MRPL48: variants seen among roughly 807,000 people sequenced by gnomAD.
MRPL48 encodes the protein mitochondrial ribosomal protein L48, also known as large ribosomal subunit protein mL48.
MRPL48 carries 16 observed loss-of-function variants against 32.9 expected under a neutral mutation model. That is an observed-to-expected ratio of 0.49 (90% confidence interval 0.33 to 0.74). MRPL48 has a LOEUF of 0.74. MRPL48 is among the 30% of genes least tolerant of loss of function. MRPL48 has a pLI of 0.02. For synonymous variants in MRPL48, 94 were observed against 89.2 expected (o/e 1.05, Z -0.31); for missense variants, 206 against 245.3 (o/e 0.84, Z 1.07).
intron 4 of MRPL48, 74 bp from the exon 5 acceptor site, chr11:73,844,733 A>T: frequency 6.9e-7 from 1 of 1,456,374 alleles, no homozygotes; most frequent in Non-Finnish European, 9.2e-7. Context: ...TTGACTTTTT[A>T]AAATATCAAG....
intron 5 of MRPL48, among the ~76,000 whole-genome samples, chr11:73,857,194 G>A (rs925115207): frequency 1.3e-5 from 2 of 151,756 alleles, no homozygotes; most frequent in African/African-American, 2.4e-5. Context: ...GAGGTAGCAT[G>A]ATCTTGGCTC....
In MRPL48 at chr11:73,864,449, C is replaced by A; in HGVS notation, c.*79C>A. On this transcript the variant is annotated 3_prime_UTR_variant, in exon 8 of 8. Coordinates refer to ENST00000310614, the MANE Select transcript of MRPL48 (RefSeq NM_016055.6). The stretch of plus-strand genomic sequence containing the variant: ...AGCTTACTGGGTAGTTAGAGTTCAT[C>A]AGGAGACCCAACCCTTAGATTTCAT... 7.2e-7 allele frequency: 1 copy of A among 1,392,528 alleles called. No homozygotes were observed. Among genetic ancestry groups the A allele is most frequent in the East Asian group, 2.4e-5 (1 of 42,432 alleles). 86.3% of individuals were successfully genotyped at this position (1,392,528 alleles called of 1,614,324 possible).
At chr11:73,847,566 G>A (rs769678980) in intron 5 of MRPL48, among the ~76,000 whole-genome samples, 3 of 151,798 alleles carry the variant, frequency 2.0e-5, no homozygotes, top group African/African-American at 7.3e-5. Context: ...TCAGCCTCCC[G>A]AGTAGCTGGG....
intron 3 of MRPL48, among the ~76,000 whole-genome samples, chr11:73,815,282 G>A (rs764588790): frequency 1.2e-4 from 18 of 151,926 alleles, no homozygotes; most frequent in Non-Finnish European, 2.2e-4. Flanking sequence ...CGGGCGTGGT[G>A]GTGCTCCTGT....
At chr11:73,797,315 C>G (rs1947273965) in intron 1 of MRPL48, among the ~76,000 whole-genome samples, 1 of 152,332 alleles carries the variant, frequency 6.6e-6, no homozygotes, top group Non-Finnish European at 1.5e-5. Context: ...GGTTGCAGGA[C>G]AAGAACTTGG....
chr11:73,810,607 C>T (rs1590946961), intron 3 of MRPL48, among the ~76,000 whole-genome samples: 3 of 149,426 alleles, frequency 2.0e-5, no homozygotes, highest in South Asian at 2.1e-4. Context: ...ATGTGCAGAA[C>T]GTGCAGTTTT....
chr11:73,790,374 CTTTTTTTTTTTT>C (rs759628609), intron 1 of MRPL48, among the ~76,000 whole-genome samples: 2 of 58,020 alleles, frequency 3.4e-5, no homozygotes, highest in African/African-American at 9.7e-5. Context: ...CGCACCCGGC[CTTTTTTTTTTTT>C]TTTTTTTTTT....
At chr11:73,843,388 C>T (rs908584205) in intron 4 of MRPL48, 1 of 151,868 alleles carries the variant, frequency 6.6e-6, no homozygotes, top group Admixed American at 6.6e-5. Flanking sequence ...CCATGCCTGG[C>T]TAATTTTTTG....
At chr11:73,793,826 A>G (rs2134929288) in intron 1 of MRPL48, among the ~76,000 whole-genome samples, 2 of 150,412 alleles carry the variant, frequency 1.3e-5, no homozygotes, top group South Asian at 2.1e-4. Context: ...GTTTGAGACC[A>G]GCCTGGGCAA....
intron 3 of MRPL48, among the ~76,000 whole-genome samples, chr11:73,819,194 C>T (rs979493667): frequency 1.3e-5 from 2 of 152,178 alleles, no homozygotes; most frequent in East Asian, 1.9e-4. Context: ...GTTCATTTAA[C>T]AGTGGTTTGA....
intron 1 of MRPL48, among the ~76,000 whole-genome samples, chr11:73,795,146 G>C (rs913707913): frequency 1.1e-4 from 17 of 152,078 alleles, no homozygotes; most frequent in African/African-American, 4.1e-4. Flanking sequence ...GAACTCCTGA[G>C]CTCAGCCAGT....
intron 3 of MRPL48, among the ~76,000 whole-genome samples, chr11:73,818,251 C>T (rs7130191): frequency 0.13 from 19,290 of 152,108 alleles, 1,306 homozygotes; most frequent in Admixed American, 0.16. Context: ...CTGCTCTATC[C>T]AAGGAGGGGC....
At chr11:73,826,572 G>A (rs949647933) in intron 4 of MRPL48, among the ~76,000 whole-genome samples, 2 of 151,882 alleles carry the variant, frequency 1.3e-5, no homozygotes, top group Non-Finnish European at 2.9e-5. Context: ...TTTGGCTCCC[G>A]GGTTCAAGCT....
chr11:73,805,100 A>AATTAAAT lies in MRPL48; in HGVS notation c.74+24_74+30dup, dbSNP rs1947425566. The AATTAAAT allele has an allele frequency of 2.0e-6, 3 of 1,537,160 alleles. No homozygotes were observed. In the Admixed American group the frequency reaches 5.9e-5, roughly 30 times the overall value. ...TTAAGGTAAGAATATTAAAAACAAT[A>AATTAAAT]ATTAAATATAGGTAACATTTGCCTT... On this transcript the variant is annotated intron_variant, in intron 2 of 7. Transcript: ENST00000310614.
At chr11:73,844,091 A>T (rs1037568761) in intron 4 of MRPL48, among the ~76,000 whole-genome samples, 10 of 151,222 alleles carry the variant, frequency 6.6e-5, no homozygotes, top group African/African-American at 1.2e-4. Context: ...AAAAAAAAAA[A>T]TATTGGGGGG....
intron 4 of MRPL48, among the ~76,000 whole-genome samples, chr11:73,826,774 C>CTTTT (rs71065041): frequency 0.046 from 5,020 of 108,790 alleles, 140 homozygotes; most frequent in Non-Finnish European, 0.057. Flanking sequence ...ACTGTATTTT[C>CTTTT]TTTTTTTTTT....
intron 5 of MRPL48, among the ~76,000 whole-genome samples, chr11:73,857,554 A>G (rs1313751991): frequency 1.4e-5 from 2 of 142,866 alleles, no homozygotes; most frequent in African/African-American, 2.6e-5. Context: ...TGCTCACATT[A>G]TAGGTGGGAG....
intron 4 of MRPL48, among the ~76,000 whole-genome samples, chr11:73,835,961 G>C (rs1194151003): frequency 6.6e-6 from 1 of 151,778 alleles, no homozygotes; most frequent in Non-Finnish European, 1.5e-5. Context: ...TTTGAGACAG[G>C]GTCTCACTGT....
intron 4 of MRPL48, among the ~76,000 whole-genome samples, chr11:73,834,411 T>C (rs1211896915): frequency 2.0e-5 from 3 of 152,240 alleles, no homozygotes; most frequent in Non-Finnish European, 4.4e-5. Flanking sequence ...GCTCCCTCTT[T>C]AGCCACTATG....
Sources: allele counts gnomAD v4.1 joint callset (sites outside exome capture counted in the v4.1 genomes callset), GRCh38; gene constraint gnomAD v4.1.1; transcripts MANE v1.5; gene names NCBI Gene and HGNC (gene_info 2026-07-23, HGNC 2026-07-21).